The following KCNQ3 variants were observed in gnomAD, a reference collection of about 807,000 sequenced individuals.
The protein encoded by KCNQ3 is potassium voltage-gated channel subfamily Q member 3.
KCNQ3 carries 30 observed loss-of-function variants against 92.5 expected under a neutral mutation model. That is an observed-to-expected ratio of 0.32 (90% confidence interval 0.24 to 0.44). The LOEUF (loss-of-function observed/expected upper bound fraction) is 0.44. Among genes scored for constraint, KCNQ3 ranks in the 20% least tolerant of loss-of-function variants. The pLI, the probability that KCNQ3 is intolerant of heterozygous loss-of-function variation, is 1.00. For synonymous variants in KCNQ3, 450 were observed against 468.8 expected, an observed-to-expected ratio of 0.96 and a Z score of 0.52; for missense variants, 913 against 1,140.3, an observed-to-expected ratio of 0.80 and a Z score of 2.87.
chr8:132,396,927 T>TG (rs148388502), intron 1 of KCNQ3, among the ~76,000 whole-genome samples: 378 of 151,232 alleles, frequency 2.5e-3, no homozygotes, highest in African/African-American at 8.7e-3. Flanking sequence ...TCAAAGGGGA[T>TG]GGGATAAAAA....
At chr8:132,294,138 C>T (rs1816948001) in intron 1 of KCNQ3, among the ~76,000 whole-genome samples, 1 of 151,738 alleles carries the variant, frequency 6.6e-6, no homozygotes, top group Admixed American at 6.6e-5. Flanking sequence ...GTAGCTGGGA[C>T]CACAGGTGCC....
chr8:132,435,475 C>T (rs1213634368), intron 1 of KCNQ3, among the ~76,000 whole-genome samples: 1 of 152,170 alleles, frequency 6.6e-6, no homozygotes, highest in East Asian at 1.9e-4. Context: ...TATTAACCTC[C>T]ATCTGTGCGA....
At chr8:132,366,800 ATT>A (rs531514906) in intron 1 of KCNQ3, among the ~76,000 whole-genome samples, 178 of 152,302 alleles carry the variant, frequency 1.2e-3, no homozygotes, top group African/African-American at 4.1e-3. Flanking sequence ...ACCAGAACAA[ATT>A]CCATTTGATC....
In KCNQ3 at chr8:132,270,072, C is replaced by T. The variant is rs1192281831; in HGVS notation, c.387-83891G>A. On this transcript the variant is annotated intron_variant, in intron 1 of 14. Coordinates refer to ENST00000388996, the MANE Select transcript of KCNQ3 (RefSeq NM_004519.4). ...TGGGAACGGCTTTCTCTAACCTTCC[C>T]GCTTTCTTATTAAACACCTGCAGCT... Among the ~76,000 whole-genome samples, 7 of 151,982 alleles carry T rather than the reference C, an allele frequency of 4.6e-5. No individual in the cohort carries two copies. In the South Asian group the frequency reaches 1.2e-3, roughly 27 times the overall value.
intron 1 of KCNQ3, among the ~76,000 whole-genome samples, chr8:132,418,881 C>A (rs915213550): frequency 2.0e-5 from 3 of 152,174 alleles, no homozygotes; most frequent in Admixed American, 6.5e-5. Context: ...TGAGGAAAAG[C>A]AGCAGGCAGC....
chr8:132,332,139 T>A (rs1287666413), intron 1 of KCNQ3, among the ~76,000 whole-genome samples: 1 of 152,174 alleles, frequency 6.6e-6, no homozygotes, highest in African/African-American at 2.4e-5. Context: ...ATGCTCTCTC[T>A]CACTCTTGCC....
intron 1 of KCNQ3, among the ~76,000 whole-genome samples, chr8:132,298,682 C>T (rs1817122387): frequency 6.6e-6 from 1 of 152,084 alleles, no homozygotes. Context: ...CCAAGGCAGG[C>T]GATCACCTGA....
At chr8:132,451,821 C>T (rs1821826438) in intron 1 of KCNQ3, among the ~76,000 whole-genome samples, 1 of 152,172 alleles carries the variant, frequency 6.6e-6, no homozygotes, top group Admixed American at 6.5e-5. Context: ...TAAAATAGGA[C>T]AGGAGCAGCG....
chr8:132,229,256 G>A (rs998023858), intron 1 of KCNQ3, among the ~76,000 whole-genome samples: 15 of 120,076 alleles, frequency 1.2e-4, no homozygotes, highest in African/African-American at 3.7e-4. Context: ...GTGAGACTCC[G>A]TCTCAAAAAA....
At chr8:132,324,072 T>A (rs1817971930) in intron 1 of KCNQ3, among the ~76,000 whole-genome samples, 1 of 152,176 alleles carries the variant, frequency 6.6e-6, no homozygotes. Context: ...CTCCATATCT[T>A]AGTTCTTCAT....
In KCNQ3 at chr8:132,154,193, G is replaced by GTTTTTTT. The variant is rs869112851; in HGVS notation, c.1262+9268_1262+9274dup. Among the ~76,000 whole-genome samples, 27 of 27,438 alleles carry GTTTTTTT rather than the reference G, an allele frequency of 9.8e-4. 1 individual carries two copies. The highest frequency in any genetic ancestry group is 2.7e-3 in the African/African-American group (18 of 6,722). The allele number at this position is 27,438 out of a possible 152,430, so 18.0% of individuals were successfully genotyped here. On this transcript the variant is annotated intron_variant, in intron 9 of 14. Transcript: ENST00000388996. The stretch of plus-strand genomic sequence containing the variant: ...CTGATGTACCATCAAAAGGGTAAAA[G>GTTTTTTT]TTTTTTTTTTTTTTTTTTTTTTTTT...
At chr8:132,404,504 TA>T (rs1339140331) in intron 1 of KCNQ3, among the ~76,000 whole-genome samples, 1 of 152,174 alleles carries the variant, frequency 6.6e-6, no homozygotes, top group East Asian at 1.9e-4. Context: ...AAAGCAAAGC[TA>T]AAGCTTCCCT....
intron 1 of KCNQ3, among the ~76,000 whole-genome samples, chr8:132,292,520 C>T (rs143222201): frequency 2.0e-5 from 3 of 151,886 alleles, no homozygotes; most frequent in East Asian, 1.9e-4. Flanking sequence ...AAGGAAGTAG[C>T]GTATAAGTGG....
intron 1 of KCNQ3, among the ~76,000 whole-genome samples, chr8:132,417,226 A>T (rs1820839885): frequency 6.6e-6 from 1 of 152,216 alleles, no homozygotes; most frequent in African/African-American, 2.4e-5. Flanking sequence ...AGCCCCTGGG[A>T]TTGGCAATAA....
intron 1 of KCNQ3, among the ~76,000 whole-genome samples, chr8:132,208,521 C>G (rs1342096896): frequency 2.0e-5 from 3 of 152,048 alleles, no homozygotes; most frequent in African/African-American, 7.3e-5. Flanking sequence ...CAGCATCAAA[C>G]TTTGTGAAAT....
intron 14 of KCNQ3, 93 bp from the exon 15 acceptor site, chr8:132,130,089 T>TTG: frequency 4.3e-6 from 6 of 1,405,268 alleles, no homozygotes; most frequent in East Asian, 4.7e-5. Flanking sequence ...TTTTTGTTTT[T>TTG]TTTTTTTTTT....
chr8:132,186,523 T>G (rs1175543925), intron 1 of KCNQ3: 1 of 369,500 alleles, frequency 2.7e-6, no homozygotes, highest in Non-Finnish European at 5.3e-6. Flanking sequence ...TTTTCACAAG[T>G]CATTAAGTAT....
chr8:132,354,597 G>A (rs778968288), intron 1 of KCNQ3, among the ~76,000 whole-genome samples: 4 of 152,194 alleles, frequency 2.6e-5, no homozygotes, highest in African/African-American at 4.8e-5. Flanking sequence ...AATGCTCAGA[G>A]GACACTTCCC....
chr8:132,135,037 G>T lies in KCNQ3; in HGVS notation c.1701-649C>A, dbSNP rs377267822. 4.6e-5 allele frequency among the ~76,000 whole-genome samples: 7 copies of T among 152,192 alleles called. No individual in the cohort carries two copies. The East Asian group carries it at 1.4e-3, about 29-fold the overall frequency. On this transcript the variant is annotated intron_variant, in intron 12 of 14. Transcript: ENST00000388996. ...GTACAGGTGAAAGTTTGTTACATAG[G>T]TAAACATGTGTCATGGGGGTTATCT...
Sources: gnomAD v4.1 joint callset for allele counts (sites outside exome capture counted in the v4.1 genomes callset) on GRCh38, gnomAD v4.1.1 for gene constraint, MANE v1.5 for transcripts, NCBI Gene and HGNC (gene_info 2026-07-23, HGNC 2026-07-21) for gene names.